The following C12orf50 variants were observed in gnomAD, a reference collection of about 807,000 sequenced individuals.
The protein encoded by C12orf50 is zinc finger CCCH-type containing 11D.
In C12orf50, 35 loss-of-function variants were observed where a neutral mutation model predicts 61.6. That is an observed-to-expected ratio of 0.57 (90% CI 0.43 to 0.75). The LOEUF is 0.75. Among genes scored for constraint, C12orf50 ranks in the 30% least tolerant of loss-of-function variants. The probability of loss-of-function intolerance (pLI) is 0.00; values close to 1 mark genes in which losing one functional copy is unlikely to be tolerated. For missense variants in C12orf50, 475 were observed against 488.5 expected (o/e 0.97, Z 0.26); for synonymous variants, 178 against 161.5 (o/e 1.10, Z -0.77).
At chr12:88,004,001 T>C in intron 3 of C12orf50, among the ~76,000 whole-genome samples, 1 of 152,128 alleles carries the variant, frequency 6.6e-6, no homozygotes, top group East Asian at 1.9e-4. Flanking sequence ...TATCTTCAAA[T>C]CTACTGGTTC....
rs530386743 is a variant in C12orf50 at position 88,004,282 on chromosome 12, A to T, written c.134-6092T>A. 6.8e-4 allele frequency among the ~76,000 whole-genome samples: 103 copies of T among 152,310 alleles called. 1 individual carries two copies. The highest frequency in any genetic ancestry group is 2.4e-3 in the African/African-American group (101 of 41,566). On this transcript the variant is annotated intron_variant, in intron 3 of 12. Coordinates refer to ENST00000298699, the MANE Select transcript of C12orf50 (RefSeq NM_152589.3). ...AAAGAAGACATATACGCAGCCAACA[A>T]GCATATGAAAAAATGCTCATAGTCA...
intron 9 of C12orf50, 96 bp from the exon 10 acceptor site, chr12:87,986,512 A>C (rs2030834013): frequency 2.5e-6 from 2 of 799,400 alleles, no homozygotes; most frequent in Non-Finnish European, 3.8e-6. Context: ...TTCACATGTC[A>C]AGCAAGAGGA....
intron 3 of C12orf50, among the ~76,000 whole-genome samples, chr12:88,017,154 C>G (rs537495293): frequency 6.6e-6 from 1 of 152,308 alleles, no homozygotes; most frequent in African/African-American, 2.4e-5. Context: ...CTACCCAAAT[C>G]TCATCTTGAA....
chr12:88,020,961 G>A (rs1270007502), intron 3 of C12orf50, among the ~76,000 whole-genome samples: 1 of 152,126 alleles, frequency 6.6e-6, no homozygotes, highest in African/African-American at 2.4e-5. Context: ...TGAAATTATG[G>A]CAGAAATCAA....
At chr12:88,014,917 A>G (rs1304137531) in intron 3 of C12orf50, among the ~76,000 whole-genome samples, 1 of 152,240 alleles carries the variant, frequency 6.6e-6, no homozygotes, top group Non-Finnish European at 1.5e-5. Flanking sequence ...TATAAGTCCT[A>G]AAAAGCAAGA....
At chr12:88,028,389 G>T (rs933319514) in intron 1 of C12orf50, among the ~76,000 whole-genome samples, 1 of 152,190 alleles carries the variant, frequency 6.6e-6, no homozygotes, top group Middle Eastern at 3.4e-3. Flanking sequence ...TTTTTCACTG[G>T]ATTATTTCTT....
At chr12:88,013,990 A>C (rs993653555) in intron 3 of C12orf50, among the ~76,000 whole-genome samples, 2 of 152,334 alleles carry the variant, frequency 1.3e-5, no homozygotes, top group African/African-American at 4.8e-5. Context: ...TTCAGAAAAG[A>C]CAGGGAAATA....
At chr12:87,989,984 A>G (rs1047150325) in intron 7 of C12orf50, among the ~76,000 whole-genome samples, 1 of 152,126 alleles carries the variant, frequency 6.6e-6, no homozygotes, top group Non-Finnish European at 1.5e-5. Flanking sequence ...ACATTTAACT[A>G]TCTTTCTATA....
chr12:87,996,296 C>A, intron 6 of C12orf50, 78 bp downstream of exon 6: 1 of 1,000,492 alleles, frequency 1.0e-6, no homozygotes, highest in Admixed American at 2.0e-5. Context: ...TTCTTCTGTA[C>A]ATCATACTAA....
chr12:88,009,479 T>A (rs1000024193), intron 3 of C12orf50, among the ~76,000 whole-genome samples: 1 of 152,040 alleles, frequency 6.6e-6, no homozygotes, highest in Admixed American at 6.6e-5. Flanking sequence ...TGTTCTATGA[T>A]AGCAGTTCTC....
chr12:88,024,556 T>A (rs1227230940), intron 3 of C12orf50, among the ~76,000 whole-genome samples: 1 of 152,102 alleles, frequency 6.6e-6, no homozygotes, highest in Non-Finnish European at 1.5e-5. Flanking sequence ...ATGTTCTAAC[T>A]TATAAGTGAG....
At chr12:88,017,287 T>C (rs1258467620) in intron 3 of C12orf50, among the ~76,000 whole-genome samples, 1 of 151,708 alleles carries the variant, frequency 6.6e-6, no homozygotes, top group East Asian at 2.0e-4. Context: ...GACCTGACAG[T>C]TTTAAAAACA....
At chr12:88,007,784 A>T (rs1328624695) in intron 3 of C12orf50, among the ~76,000 whole-genome samples, 1 of 152,184 alleles carries the variant, frequency 6.6e-6, no homozygotes, top group Non-Finnish European at 1.5e-5. Context: ...TTCTTATATA[A>T]TTGTACTTTG....
intron 3 of C12orf50, among the ~76,000 whole-genome samples, chr12:88,015,238 T>C (rs992042078): frequency 6.6e-6 from 1 of 152,212 alleles, no homozygotes; most frequent in African/African-American, 2.4e-5. Context: ...AAAATTAGTG[T>C]GTGTGTACTG....
intron 3 of C12orf50, among the ~76,000 whole-genome samples, chr12:88,002,303 T>A (rs1321516380): frequency 6.6e-6 from 1 of 151,790 alleles, no homozygotes; most frequent in East Asian, 1.9e-4. Context: ...ATGTCTCAAT[T>A]TTTTTCTCTC....
At chr12:87,993,379 T>C (rs912138785) in intron 7 of C12orf50, among the ~76,000 whole-genome samples, 3 of 152,164 alleles carry the variant, frequency 2.0e-5, no homozygotes, top group African/African-American at 7.2e-5. Flanking sequence ...CCCACTTATA[T>C]AGGTTAAATA....
chr12:88,002,476 T>C (rs889801094), intron 3 of C12orf50, among the ~76,000 whole-genome samples: 6 of 151,860 alleles, frequency 4.0e-5, no homozygotes, highest in Admixed American at 3.9e-4. Flanking sequence ...TGGAGTGTTT[T>C]GCTGATGTCT....
intron 3 of C12orf50, among the ~76,000 whole-genome samples, chr12:88,023,032 G>A (rs951514778): frequency 2.0e-5 from 3 of 151,930 alleles, no homozygotes; most frequent in Non-Finnish European, 2.9e-5. Flanking sequence ...AACCCAAAAG[G>A]AGCCTAAAGA....
chr12:88,012,479 A>C (rs549129890), intron 3 of C12orf50, among the ~76,000 whole-genome samples: 18 of 152,296 alleles, frequency 1.2e-4, no homozygotes, highest in Non-Finnish European at 2.2e-4. Flanking sequence ...TCCTTCAAAG[A>C]GTACAAGAAA....
Sources: gnomAD v4.1 joint callset for allele counts (sites outside exome capture counted in the v4.1 genomes callset) on GRCh38, gnomAD v4.1.1 for gene constraint, MANE v1.5 for transcripts, NCBI Gene and HGNC (gene_info 2026-07-23, HGNC 2026-07-21) for gene names.